Variants in KLRC1 observed in about 807,000 individuals in gnomAD.
The protein encoded by KLRC1 is NKG2-A/NKG2-B type II integral membrane protein.
KLRC1 carries 22 observed loss-of-function variants against 25.9 expected under a neutral mutation model. That is an observed-to-expected ratio of 0.85 (90% CI 0.61 to 1.21). KLRC1 has a LOEUF of 1.21. Ranked by LOEUF, KLRC1 falls within the 50% of genes most tolerant of loss-of-function variation. The probability of loss-of-function intolerance (pLI) is 0.00; values close to 1 mark genes in which losing one functional copy is unlikely to be tolerated. For missense variants in KLRC1, 240 were observed against 272.2 expected, an observed-to-expected ratio of 0.88 and a Z score of 0.83; for synonymous variants, 77 against 93.1, an observed-to-expected ratio of 0.83 and a Z score of 0.99.
intron 1 of KLRC1, among the ~76,000 whole-genome samples, chr12:10,452,661 C>T (rs532164000): frequency 3.9e-5 from 6 of 152,162 alleles, no homozygotes; most frequent in East Asian, 1.9e-4. Flanking sequence ...TATGTCCATG[C>T]GCTACATCTT....
At chr12:10,450,335 C>A (rs1348161662) in intron 3 of KLRC1, 149 bp downstream of exon 3, 2 of 535,394 alleles carry the variant, frequency 3.7e-6, no homozygotes, top group South Asian at 3.2e-5. Flanking sequence ...TTCATTTATT[C>A]TTTGACAAAT....
intron 1 of KLRC1, among the ~76,000 whole-genome samples, chr12:10,452,313 T>A (rs905390745): frequency 2.0e-5 from 3 of 152,194 alleles, no homozygotes; most frequent in Non-Finnish European, 4.4e-5. Flanking sequence ...AAGGCCACTT[T>A]AGTTGTATAA....
In KLRC1 at chr12:10,449,229, C is replaced by T; in HGVS notation, c.489+8G>A. ...TTTCATAAAGTGTTTAAAACATTTACATCTTACCATTTCTTCTTCATTATC... is the reference window on the plus strand; with the variant it reads ...TTTCATAAAGTGTTTAAAACATTTATATCTTACCATTTCTTCTTCATTATC... On this transcript the variant is annotated splice_region_variant and intron_variant, in intron 5 of 6. Transcript: ENST00000359151. 2 of 1,613,586 alleles carry T rather than the reference C, an allele frequency of 1.2e-6. No individual in the cohort carries two copies. Among genetic ancestry groups the T allele is most frequent in the South Asian group, 1.1e-5 (1 of 91,058 alleles).
At chr12:10,451,303 A>C in intron 1 of KLRC1, 116 bp from the exon 2 acceptor site, 1 of 515,762 alleles carries the variant, frequency 1.9e-6, no homozygotes, top group Non-Finnish European at 3.1e-6. Context: ...TAAATAATCT[A>C]AAGTTCTTTC....
rs770598692 is a variant in KLRC1 at position 10,449,927 on chromosome 12, T to G, written c.324A>C (p.Thr108=). 45 of 1,488,410 alleles carry G rather than the reference T, an allele frequency of 3.0e-5. No individual in the cohort carries two copies. The Admixed American group carries it at 1.0e-3, about 33-fold the overall frequency. The allele number at this position is 1,488,410 out of a possible 1,614,324, so 92.2% of individuals were successfully genotyped here. A position where few individuals can be genotyped will look rare whatever the true frequency, so the allele number is the denominator to read the frequency against. The change falls in exon 4 of 7, where the codon ACA becomes ACC. Residue 108 remains threonine, a synonymous_variant. Coordinates refer to ENST00000359151, the MANE Select transcript of KLRC1 (RefSeq NM_002259.5). ...IQRHNNSSLN[T]RTQKARHCGH... ...ATTATTATATACCTTTCTGAGTTCT[T>G]GTATTCAGGGAAGAATTGTTGTGCC...
downstream of KLRC1, among the ~76,000 whole-genome samples, chr12:10,444,601 T>C (rs1863951623): frequency 6.6e-6 from 1 of 152,198 alleles, no homozygotes; most frequent in African/African-American, 2.4e-5. Context: ...ACATACTCAT[T>C]ACCAAACGCA....
In KLRC1 at chr12:10,449,978, TAAAG is replaced by T. The variant is rs1465019025; in HGVS notation, c.284-15_284-12del. 6.9e-7 allele frequency: 1 copy of T among 1,457,076 alleles called. No homozygotes were observed. The highest frequency in any genetic ancestry group is 1.5e-5 in the African/African-American group (1 of 67,376). 90.3% of individuals were successfully genotyped at this position (1,457,076 alleles called of 1,614,324 possible). ...TCTGTATTAATGTAGCTAGAAAAAT[TAAAG>T]TAATCTTTGTAAAAAAATTAGCATC... On this transcript the variant is annotated splice_polypyrimidine_tract_variant and intron_variant, in intron 3 of 6. Transcript: ENST00000359151.
intron 4 of KLRC1, 80 bp downstream of exon 4, chr12:10,449,834 C>A: frequency 8.5e-7 from 1 of 1,170,218 alleles, no homozygotes. Flanking sequence ...AATTTTTCAC[C>A]CAAAATTTTA....
intron 4 of KLRC1, 119 bp from the exon 5 acceptor site, chr12:10,449,507 G>A (rs1376497164): frequency 2.0e-6 from 3 of 1,491,214 alleles, no homozygotes; most frequent in Admixed American, 4.5e-5. Context: ...CATCTTCATG[G>A]GCTGGTAAAT....
At chr12:10,453,728 ATAT>A (rs1864165764), upstream of KLRC1, among the ~76,000 whole-genome samples, 1 of 152,136 alleles carries the variant, frequency 6.6e-6, no homozygotes, top group Non-Finnish European at 1.5e-5. Context: ...ACTCATAGTA[ATAT>A]TATCAACTGA....
At chr12:10,444,645 T>C (rs1863952293), downstream of KLRC1, among the ~76,000 whole-genome samples, 2 of 152,310 alleles carry the variant, frequency 1.3e-5, no homozygotes, top group Admixed American at 6.5e-5. Flanking sequence ...ATATCCTACA[T>C]GTTTTAAAGA....
chr12:10,448,297 G>A (rs539832762), intron 5 of KLRC1, among the ~76,000 whole-genome samples: 81 of 152,270 alleles, frequency 5.3e-4, no homozygotes, highest in African/African-American at 1.7e-3. Flanking sequence ...TCCTCCACAC[G>A]ACAGAAGAAG....
intron 4 of KLRC1, 28 bp from the exon 5 acceptor site, chr12:10,449,416 G>C (rs1410797003): frequency 2.5e-6 from 4 of 1,598,384 alleles, no homozygotes; most frequent in Non-Finnish European, 2.6e-6. Flanking sequence ...TTACTATCTA[G>C]ACCAATATGA....
intron 5 of KLRC1, among the ~76,000 whole-genome samples, chr12:10,448,192 G>T (rs140601871): frequency 4.6e-5 from 7 of 152,268 alleles, no homozygotes; most frequent in African/African-American, 1.7e-4. Flanking sequence ...AAAGACAAAA[G>T]CAATGGAGAA....
chr12:10,450,348 A>G, intron 3 of KLRC1, 136 bp downstream of exon 3: 1 of 561,814 alleles, frequency 1.8e-6, no homozygotes, highest in Non-Finnish European at 3.1e-6. Context: ...TGACAAATTC[A>G]GAATAATCAT....
At chr12:10,448,909 A>G (rs543996118) in intron 5 of KLRC1, among the ~76,000 whole-genome samples, 1 of 152,328 alleles carries the variant, frequency 6.6e-6, no homozygotes, top group Non-Finnish European at 1.5e-5. Context: ...TCATGATCTG[A>G]CTTGTATCAC....
At chr12:10,444,216 C>T (rs185885641), downstream of KLRC1, among the ~76,000 whole-genome samples, 9 of 140,500 alleles carry the variant, frequency 6.4e-5, no homozygotes, top group Non-Finnish European at 1.1e-4. Flanking sequence ...AAAGCTAAAA[C>T]TAAATACAAG....
At chr12:10,447,820 T>C (rs1223693536) in intron 5 of KLRC1, among the ~76,000 whole-genome samples, 188 bp from the exon 6 acceptor site, 1 of 152,234 alleles carries the variant, frequency 6.6e-6, no homozygotes, top group Non-Finnish European at 1.5e-5. Context: ...TAAAGAAGTT[T>C]TAATTCTTGC....
In KLRC1 at chr12:10,449,357, C is replaced by T; in HGVS notation, c.369G>A (p.Trp123Ter). Residue 123 changes from tryptophan (W) to a stop codon, truncating the protein, a stop_gained, in exon 5 of 7, where the codon TGG becomes TGA. Coordinates refer to ENST00000359151, the MANE Select transcript of KLRC1 (RefSeq NM_002259.5). LOFTEE classifies it high-confidence loss of function. ...ARHCGHCPEE[W>*]ITYSNSCYYI... ...AGTAACAACTGTTGGAATATGTAAT[C>T]CACTCCTCAGGACAATGGCCACAAT... is the stretch of plus-strand genomic sequence containing the variant. 10 of 1,613,794 alleles carry T rather than the reference C, an allele frequency of 6.2e-6. No individual in the cohort carries two copies. Among genetic ancestry groups the T allele is most frequent in the Non-Finnish European group, 8.5e-6 (10 of 1,179,792 alleles).
Sources: gnomAD v4.1 joint callset for allele counts (sites outside exome capture counted in the v4.1 genomes callset) on GRCh38, gnomAD v4.1.1 for gene constraint, MANE v1.5 for transcripts, NCBI Gene and HGNC (gene_info 2026-07-23, HGNC 2026-07-21) for gene names.